Variants in TAAR9 observed in about 807,000 individuals in gnomAD.
The protein encoded by TAAR9 is trace amine-associated receptor 9.
For synonymous variants in TAAR9, 162 were observed against 152.6 expected (o/e 1.06, Z -0.45); for missense variants, 453 against 409.4 (o/e 1.11, Z -0.92).
exon 1 of TAAR9, chr6:132,538,478 G>A: frequency 1.2e-6 from 2 of 1,613,006 alleles, no homozygotes; most frequent in Non-Finnish European, 8.5e-7. Context: ...TCAAACAACT[G>A]CACACACCTA....
exon 1 of TAAR9, chr6:132,538,586 C>T (rs1198563384): frequency 1.3e-6 from 2 of 1,587,936 alleles, no homozygotes. Context: ...GCTGTTGGTA[C>T]TTTGGGGACA....
At chr6:132,539,087 A>G (rs1776259797) in exon 1 of TAAR9, 3 of 1,539,856 alleles carry the variant, frequency 1.9e-6, no homozygotes, top group East Asian at 4.5e-5. Flanking sequence ...CTATGGCAGC[A>G]TTTCTTGTCT....
exon 1 of TAAR9, chr6:132,538,377 G>A (rs769507365): frequency 6.2e-7 from 1 of 1,613,758 alleles, no homozygotes; most frequent in East Asian, 2.2e-5. Flanking sequence ...TTACTCGCCA[G>A]GTCCTCGATC....
chr6:132,538,577 C>G lies in TAAR9; in HGVS notation c.288C>G (p.Ser96Arg), dbSNP rs756919909. The change falls in exon 1 of 1, where the codon AGC (serine) becomes AGG (arginine). Residue 96 changes from serine to arginine, a missense_variant. By Grantham distance (110) the Ser-to-Arg change is moderately radical. Transcript: ENST00000434551. ...TCAGCACAGTGAGGTCTGTGGAGAG[C>G]TGTTGGTACTTTGGGGACAGTTACT... 1,986 of 1,592,242 alleles carry G rather than the reference C, an allele frequency of 1.2e-3. 37 individuals are homozygous for G. In the South Asian group the frequency reaches 0.021, roughly 17 times the overall value.
exon 1 of TAAR9, chr6:132,538,475 A>G (rs1424097042): frequency 1.2e-6 from 2 of 1,612,074 alleles, no homozygotes; most frequent in Non-Finnish European, 1.7e-6. Context: ...ACTTCAAACA[A>G]CTGCACACAC....
exon 1 of TAAR9, chr6:132,539,212 C>T (rs369159674): frequency 2.5e-6 from 4 of 1,610,478 alleles, no homozygotes; most frequent in East Asian, 2.2e-5. Flanking sequence ...GCTATGAACC[C>T]CTTGATTTAT....
chr6:132,538,729 C>G lies in TAAR9; in HGVS notation c.440C>G (p.Ser147Ter), dbSNP rs760474199. Residue 147 changes from serine to a stop codon, truncating the protein, a stop_gained, in exon 1 of 1, where the codon TCA becomes TGA. Transcript: ENST00000434551. LOFTEE classifies it low-confidence loss of function (END_TRUNC). The stretch of plus-strand genomic sequence containing the variant: ...ACCTATCCAACCAAGTTTACTGTGT[C>G]AGTTTCAGGGATATGCATTGTTCTT... 6.2e-7 allele frequency: 1 copy of G among 1,613,674 alleles called. No homozygotes were observed. Among genetic ancestry groups the G allele is most frequent in the African/African-American group, 1.3e-5 (1 of 74,886 alleles).
At chr6:132,538,481 C>G in exon 1 of TAAR9, 1 of 1,613,254 alleles carries the variant, frequency 6.2e-7, no homozygotes, top group Non-Finnish European at 8.5e-7. Context: ...AACAACTGCA[C>G]ACACCTACAA....
exon 1 of TAAR9, chr6:132,538,891 T>A: frequency 6.2e-7 from 1 of 1,609,524 alleles, no homozygotes; most frequent in Admixed American, 1.7e-5. Flanking sequence ...TGGGTCCTAC[T>A]TTGTTTTCTT....
At chr6:132,539,001 G>T in exon 1 of TAAR9, 1 of 1,532,328 alleles carries the variant, frequency 6.5e-7, no homozygotes, top group East Asian at 2.3e-5. Flanking sequence ...AGCCAGCCAA[G>T]CTCAGTCCTC....
chr6:132,539,292 T>C lies in TAAR9; in HGVS notation c.1003T>C (p.Ser335Pro), dbSNP rs192967418. ...AAGCGGCAAGGTCTTAAGGACTGAT[T>C]CGTCAACAACTAATTTATTTTCTGA... The change falls in exon 1 of 1, where the codon TCG (serine) becomes CCG (proline). Residue 335 changes from serine to proline, a missense_variant. Ser to Pro is a moderately conservative substitution (Grantham distance 74). Transcript: ENST00000434551. 9.2e-5 allele frequency: 148 copies of C among 1,612,366 alleles called. No homozygotes were observed. In the African/African-American group the frequency reaches 1.6e-3, roughly 18 times the overall value.
exon 1 of TAAR9, chr6:132,538,405 T>C (rs750652473): frequency 6.2e-7 from 1 of 1,613,710 alleles, no homozygotes; most frequent in African/African-American, 1.3e-5. Context: ...TACGCCGTCC[T>C]TGGTTTTGGG....
At chr6:132,538,859 C>T (rs1255556467) in exon 1 of TAAR9, 6 of 1,612,978 alleles carry the variant, frequency 3.7e-6, no homozygotes, top group Non-Finnish European at 5.1e-6. Flanking sequence ...TAGGAGGCTG[C>T]CAGGCTCCAC....
chr6:132,538,480 A>C (rs1025385989), exon 1 of TAAR9: 6 of 1,612,834 alleles, frequency 3.7e-6, no homozygotes, highest in Non-Finnish European at 5.1e-6. Flanking sequence ...AAACAACTGC[A>C]CACACCTACA....
chr6:132,538,451 G>T, exon 1 of TAAR9: 1 of 1,613,648 alleles, frequency 6.2e-7, no homozygotes. Flanking sequence ...TACTGGTCAT[G>T]ATTGCTATCC....
At position 132,539,183 on chromosome 6, in the gene TAAR9, G is replaced by A. The variant is rs769201279; in HGVS notation, c.894G>A (p.Trp298Ter). 28 of 1,592,668 alleles carry A rather than the reference G, an allele frequency of 1.8e-5. No individual in the cohort carries two copies. Among genetic ancestry groups the A allele is most frequent in the Non-Finnish European group, 2.1e-5 (25 of 1,172,594 alleles). The change falls in exon 1 of 1, where the codon TGG (tryptophan) becomes TGA (stop). Residue 298 changes from tryptophan (W) to a stop codon, truncating the protein, a stop_gained. Transcript: ENST00000434551. LOFTEE classifies it low-confidence loss of function (END_TRUNC). ...CTTATGTTTATGAGATTTTAGTTTG[G>A]TGTGTTTATTATAATTCAGCTATGA...
chr6:132,538,901 T>C (rs1375624258), exon 1 of TAAR9: 1 of 1,606,046 alleles, frequency 6.2e-7, no homozygotes, highest in South Asian at 1.1e-5. Flanking sequence ...TTTGTTTTCT[T>C]CTATTCTTTA....
exon 1 of TAAR9, chr6:132,538,971 G>T (rs1333321268): frequency 1.3e-6 from 2 of 1,541,038 alleles, no homozygotes; most frequent in East Asian, 4.5e-5. Flanking sequence ...CAAGCATCAG[G>T]CTAGGAAGAT....
At position 132,539,253 on chromosome 6, in the gene TAAR9, A is replaced by G. The variant is rs1178497143; in HGVS notation, c.964A>G (p.Ile322Val). ...CTTTTACCAATGGTTTGGGAAGGCA[A>G]TAAAACTTATTGTAAGCGGCAAGGT... is the stretch of plus-strand genomic sequence containing the variant. Residue 322 changes from isoleucine (I) to valine (V), a missense_variant, in exon 1 of 1, where the codon ATA becomes GTA. Coordinates refer to ENST00000434551, the Ensembl canonical transcript of TAAR9. 11 of 1,613,058 alleles carry G rather than the reference A, an allele frequency of 6.8e-6. No homozygotes were observed. The highest frequency in any genetic ancestry group is 8.5e-6 in the Non-Finnish European group (10 of 1,179,590).
Sources: gnomAD v4.1 joint callset for allele counts on GRCh38, gnomAD v4.1.1 for gene constraint, MANE v1.5 for transcripts, NCBI Gene and HGNC (gene_info 2026-07-23, HGNC 2026-07-21) for gene names.